Variants in FMNL2 observed in about 807,000 individuals in gnomAD.
FMNL2 encodes the protein formin like 2, also known as formin-like protein 2.
Under a neutral mutation model 130.2 loss-of-function variants are expected in FMNL2, and 51 were observed. That is an observed-to-expected ratio of 0.39 (90% CI 0.31 to 0.49). FMNL2 has a LOEUF of 0.49. FMNL2 is among the 20% of genes least tolerant of loss of function. The probability of loss-of-function intolerance (pLI) is 0.85; values close to 1 mark genes in which losing one functional copy is unlikely to be tolerated. For synonymous variants in FMNL2, 465 were observed against 467.1 expected, an observed-to-expected ratio of 1.00 and a Z score of 0.06; for missense variants, 977 against 1,316.2, an observed-to-expected ratio of 0.74 and a Z score of 3.99.
intron 1 of FMNL2, among the ~76,000 whole-genome samples, chr2:152,428,047 G>A (rs1687288113): frequency 1.3e-5 from 2 of 152,166 alleles, no homozygotes; most frequent in South Asian, 4.1e-4. Flanking sequence ...TTGTCACACT[G>A]CCAAATTGCC....
intron 15 of FMNL2, among the ~76,000 whole-genome samples, chr2:152,620,375 G>A (rs1180604919): frequency 6.6e-6 from 1 of 152,116 alleles, no homozygotes; most frequent in Non-Finnish European, 1.5e-5. Context: ...AATAAAATGG[G>A]AGGTAGGGGT....
At chr2:152,571,666 G>A (rs1696175778) in intron 6 of FMNL2, among the ~76,000 whole-genome samples, 1 of 152,188 alleles carries the variant, frequency 6.6e-6, no homozygotes, top group African/African-American at 2.4e-5. Flanking sequence ...ATTCAAACAG[G>A]TAAACTAGGA....
chr2:152,549,106 A>T lies in FMNL2; in HGVS notation c.359+9A>T. On this transcript the variant is annotated intron_variant, in intron 4 of 25. Transcript: ENST00000288670. ...AGAACTAACCACATTGGGTAAGTAT[A>T]CCCCTTTAACATCTTAGCTCTAAAG... 6.3e-7 allele frequency: 1 copy of T among 1,577,160 alleles called. No individual in the cohort carries two copies. The highest frequency in any genetic ancestry group is 8.6e-7 in the Non-Finnish European group (1 of 1,156,932).
At chr2:152,412,446 TTATATATATATATATATATATATATA>T (rs56681937) in intron 1 of FMNL2, among the ~76,000 whole-genome samples, 10,735 of 103,108 alleles carry the variant, frequency 0.1, 749 homozygotes, top group Middle Eastern at 0.12. Context: ...TCTGTATATT[TTATATATATATATATATATATATATA>T]TATATATATA....
intron 1 of FMNL2, among the ~76,000 whole-genome samples, chr2:152,410,653 C>T (rs1383526979): frequency 1.3e-5 from 2 of 152,188 alleles, no homozygotes; most frequent in Non-Finnish European, 2.9e-5. Context: ...CCTGGTGGAC[C>T]ACCATCCCTT....
In FMNL2 at chr2:152,557,204, G is replaced by T. The variant is rs1448479591; in HGVS notation, c.360-1536G>T. ...AAAAAATAAGTATCTAGTAGGTGCT[G>T]TGAGATTGTGTATGTGGCTGTTTTG... On this transcript the variant is annotated intron_variant, in intron 4 of 25. Coordinates refer to ENST00000288670, the MANE Select transcript of FMNL2 (RefSeq NM_052905.4). Among the ~76,000 whole-genome samples the T allele has an allele frequency of 2.0e-5, 3 of 152,188 alleles. No homozygotes were observed. In the East Asian group the frequency reaches 5.8e-4, roughly 29 times the overall value.
rs144725257 is a variant in FMNL2 at position 152,495,599 on chromosome 2, C to T, written c.118-26344C>T. On this transcript the variant is annotated intron_variant, in intron 1 of 25. Coordinates refer to ENST00000288670, the MANE Select transcript of FMNL2 (RefSeq NM_052905.4). ...CTGGGAGGCAGAGGTTGCAATGAGC[C>T]GAGATCGTGCCATTGCACACCAGCC... is the stretch of plus-strand genomic sequence containing the variant. 3.1e-3 allele frequency among the ~76,000 whole-genome samples: 409 copies of T among 133,226 alleles called. 4 individuals carry two copies. In the Middle Eastern group the frequency reaches 0.082, roughly 27 times the overall value. The allele number at this position is 133,226 out of a possible 152,430, so 87.4% of individuals were successfully genotyped here.
rs373031604 is a variant in FMNL2 at position 152,567,384 on chromosome 2, C to T, written c.596+6349C>T. On this transcript the variant is annotated intron_variant, in intron 6 of 25. Coordinates refer to ENST00000288670, the MANE Select transcript of FMNL2 (RefSeq NM_052905.4). ...GTCCTCTAATGGGACGTATAGACAG[C>T]GTTTCAATGCCTGATTTAAAAGTTC... is the stretch of plus-strand genomic sequence containing the variant. Among the ~76,000 whole-genome samples, 102 of 152,238 alleles carry T rather than the reference C, an allele frequency of 6.7e-4. 1 individual carries two copies. The highest frequency in any genetic ancestry group is 1.0e-3 in the Admixed American group (16 of 15,290).
intron 1 of FMNL2, among the ~76,000 whole-genome samples, chr2:152,409,942 T>C (rs1686192850): frequency 1.3e-5 from 2 of 152,036 alleles, no homozygotes; most frequent in African/African-American, 2.4e-5. Flanking sequence ...GCAGAAACAA[T>C]AATAGCTTAG....
chr2:152,613,285 AT>A (rs1698782482), intron 11 of FMNL2, among the ~76,000 whole-genome samples: 1 of 152,148 alleles, frequency 6.6e-6, no homozygotes. Flanking sequence ...CAAAAATTGG[AT>A]GTATAAATTC....
intron 1 of FMNL2, among the ~76,000 whole-genome samples, chr2:152,399,586 T>TC (rs1429214198): frequency 6.6e-6 from 1 of 152,132 alleles, no homozygotes; most frequent in Non-Finnish European, 1.5e-5. Context: ...CAGTTTTTTT[T>TC]CTGGGGTTGG....
intron 1 of FMNL2, among the ~76,000 whole-genome samples, chr2:152,443,211 A>G (rs1484356967): frequency 1.3e-5 from 2 of 152,088 alleles, no homozygotes; most frequent in African/African-American, 4.8e-5. Context: ...AATAGGGAGC[A>G]CTCAATGAGC....
chr2:152,500,406 C>G (rs1238255936), intron 1 of FMNL2, among the ~76,000 whole-genome samples: 1 of 152,170 alleles, frequency 6.6e-6, no homozygotes, highest in Non-Finnish European at 1.5e-5. Context: ...CCCCCCAGCA[C>G]CTGATTAATT....
At chr2:152,547,458 C>T (rs1694707642) in intron 3 of FMNL2, among the ~76,000 whole-genome samples, 1 of 152,200 alleles carries the variant, frequency 6.6e-6, no homozygotes, top group African/African-American at 2.4e-5. Flanking sequence ...GGAAACCTGA[C>T]ATGGTCTTTT....
chr2:152,405,357 C>T (rs1043825372), intron 1 of FMNL2, among the ~76,000 whole-genome samples: 4 of 152,086 alleles, frequency 2.6e-5, no homozygotes, highest in African/African-American at 9.7e-5. Context: ...GGTTCCTGTC[C>T]TCCAACTGAC....
intron 1 of FMNL2, among the ~76,000 whole-genome samples, chr2:152,405,419 G>A (rs1685931410): frequency 6.6e-6 from 1 of 152,156 alleles, no homozygotes; most frequent in South Asian, 2.1e-4. Flanking sequence ...TCCTGTCCTT[G>A]TTCTGGAGAA....
chr2:152,602,604 T>C (rs1022277831), intron 9 of FMNL2, among the ~76,000 whole-genome samples: 3 of 152,192 alleles, frequency 2.0e-5, no homozygotes, highest in African/African-American at 7.2e-5. Flanking sequence ...CCAGTGAATA[T>C]AAAAGTCAAG....
intron 1 of FMNL2, among the ~76,000 whole-genome samples, chr2:152,422,387 C>T (rs1686967346): frequency 6.6e-6 from 1 of 152,104 alleles, no homozygotes; most frequent in Admixed American, 6.5e-5. Context: ...GATTGGCATC[C>T]TGGATTTTGT....
chr2:152,412,447 TATATATA>T (rs1686348148), intron 1 of FMNL2, among the ~76,000 whole-genome samples: 2 of 8,262 alleles, frequency 2.4e-4, no homozygotes, highest in Non-Finnish European at 6.4e-4. Context: ...CTGTATATTT[TATATATA>T]TATATATATA....
Sources: allele counts gnomAD v4.1 joint callset (sites outside exome capture counted in the v4.1 genomes callset), GRCh38; gene constraint gnomAD v4.1.1; transcripts MANE v1.5; gene names NCBI Gene and HGNC (gene_info 2026-07-23, HGNC 2026-07-21).